Variants in OR4E2 observed in about 807,000 individuals in gnomAD.
OR4E2 encodes olfactory receptor 4E2.
OR4E2 carries 9 observed loss-of-function variants against 11.0 expected under a neutral mutation model. The observed-to-expected ratio is 0.82, with a 90% CI of 0.49 to 1.43. The LOEUF (loss-of-function observed/expected upper bound fraction) is 1.43, where lower values mean the gene tolerates loss of function less well. Among genes scored for constraint, OR4E2 ranks in the 40% most tolerant of loss-of-function variants. The pLI, the probability that OR4E2 is intolerant of heterozygous loss-of-function variation, is 0.00. For synonymous variants in OR4E2, 159 were observed against 147.3 expected, an observed-to-expected ratio of 1.08 and a Z score of -0.57; for missense variants, 441 against 382.0, an observed-to-expected ratio of 1.15 and a Z score of -1.29.
At chr14:21,657,517 T>C (rs149338117) in intron 2 of OR4E2, among the ~76,000 whole-genome samples, 26 of 120,246 alleles carry the variant, frequency 2.2e-4, no homozygotes, top group African/African-American at 7.4e-4. Flanking sequence ...CTTTCTTTGT[T>C]TTTCTTTCTT....
At position 21,665,952 on chromosome 14, in the gene OR4E2, G is replaced by C; in HGVS notation, c.870G>C (p.Arg290Ser). The C allele has an allele frequency of 6.2e-7, 1 of 1,614,010 alleles. No homozygotes were observed. Among genetic ancestry groups the C allele is most frequent in the Non-Finnish European group, 8.5e-7 (1 of 1,180,000 alleles). The change falls in exon 4 of 4, where the codon AGG becomes AGC. Residue 290 changes from arginine to serine, a missense_variant. Arg to Ser is a moderately radical substitution (Grantham distance 110, BLOSUM62 -1). Coordinates refer to ENST00000641524, the MANE Select transcript of OR4E2 (RefSeq NM_001001912.3). The stretch of plus-strand genomic sequence containing the variant: ...TGAATCCCTTCATTTACACCTTGAG[G>C]AATGAGGAGGTAAAAAGTGCCATGA... Reference protein sequence around the residue: ...PLLNPFIYTLRNEEVKSAMKQ... With the variant: ...PLLNPFIYTLSNEEVKSAMKQ...
chr14:21,661,444 G>C (rs1880320029), intron 3 of OR4E2, among the ~76,000 whole-genome samples: 1 of 151,926 alleles, frequency 6.6e-6, no homozygotes, highest in Non-Finnish European at 1.5e-5. Context: ...TTTCCTTCAA[G>C]GTTCGTAATA....
chr14:21,654,111 A>C (rs948706306), intron 1 of OR4E2, among the ~76,000 whole-genome samples, 172 bp downstream of exon 1: 3 of 152,100 alleles, frequency 2.0e-5, no homozygotes, highest in Non-Finnish European at 4.4e-5. Context: ...TATGATGCTG[A>C]GTTTTGCTAT....
Position 21,666,045 on chromosome 14 carries a change from A to G in OR4E2, c.*21A>G. 1 of 1,535,382 alleles carries G rather than the reference A, an allele frequency of 6.5e-7. No individual in the cohort carries two copies. On this transcript the variant is annotated 3_prime_UTR_variant, in exon 4 of 4. Transcript: ENST00000641524. ...CATAATGGGCACTGGGATTGCAGAC[A>G]TAATTGCAGCCACATCCTTAATGAA... is the stretch of plus-strand genomic sequence containing the variant.
rs1448745332 is a variant in OR4E2, at chr14:21,667,303, G to A, written c.*1279G>A. ...ATAGAAATAATACTTGAGTATTCTG[G>A]AGAACTGGAGAGCAGACAACATAGC... On this transcript the variant is annotated 3_prime_UTR_variant, in exon 4 of 4. Transcript: ENST00000641524. 6.6e-6 allele frequency: 1 copy of A among 151,944 alleles called. No homozygotes were observed. The highest frequency in any genetic ancestry group is 2.1e-4 in the South Asian group (1 of 4,808). The allele number at this position is 151,944 out of a possible 1,614,324, so 9.4% of individuals were successfully genotyped here.
At position 21,666,302 on chromosome 14, in the gene OR4E2, A is replaced by T. The variant is rs1328921868; in HGVS notation, c.*278A>T. On this transcript the variant is annotated 3_prime_UTR_variant, in exon 4 of 4. Transcript: ENST00000641524. ...TTTGATTTCATCAGTAAAAGAATAC[A>T]ATTTGGGGAACTCAGTTCAGTCTCA... The T allele has an allele frequency of 2.4e-5, 8 of 329,066 alleles. No individual in the cohort carries two copies. The East Asian group carries it at 5.7e-4, about 24-fold the overall frequency. 20.4% of individuals were successfully genotyped at this position (329,066 alleles called of 1,614,324 possible). A position where few individuals can be genotyped will look rare whatever the true frequency, so the allele number is the denominator to read the frequency against.
chr14:21,660,590 A>ACACATTGTAAGTCT (rs1880264420), intron 2 of OR4E2, 63 bp from the exon 3 acceptor site: 1 of 152,032 alleles, frequency 6.6e-6, no homozygotes, highest in African/African-American at 2.4e-5. Context: ...ACAGGGAGCC[A>ACACATTGTAAGTCT]TCGAAAGTCT....
chr14:21,663,111 GT>G (rs879906479), intron 3 of OR4E2, among the ~76,000 whole-genome samples: 7 of 152,110 alleles, frequency 4.6e-5, no homozygotes, highest in Non-Finnish European at 1.0e-4. Flanking sequence ...AGTAAAAATT[GT>G]TTTTGCATAC....
At position 21,664,036 on chromosome 14, in the gene OR4E2, T is replaced by C. The variant is rs149411824; in HGVS notation, c.-8-1039T>C. On this transcript the variant is annotated intron_variant, in intron 3 of 3. Coordinates refer to ENST00000641524, the MANE Select transcript of OR4E2 (RefSeq NM_001001912.3). ...ATTTAGGCTGATTCCATGACTTTGC[T>C]ATTGTAAACAGTGCTGCAATGAGCA... Among the ~76,000 whole-genome samples the C allele has an allele frequency of 1.2e-3, 184 of 152,374 alleles. 6 individuals carry two copies. In the East Asian group the frequency reaches 0.033, roughly 28 times the overall value.
chr14:21,664,192 T>C (rs1202932181), intron 3 of OR4E2, among the ~76,000 whole-genome samples: 1 of 152,252 alleles, frequency 6.6e-6, no homozygotes, highest in Non-Finnish European at 1.5e-5. Flanking sequence ...TCTTCCACAA[T>C]GGTTGAACTA....
At chr14:21,654,091 G>A (rs1879794544) in intron 1 of OR4E2, among the ~76,000 whole-genome samples, 152 bp downstream of exon 1, 1 of 152,126 alleles carries the variant, frequency 6.6e-6, no homozygotes, top group Non-Finnish European at 1.5e-5. Flanking sequence ...TGGGTTGATT[G>A]ATTTGATTTT....
intron 3 of OR4E2, among the ~76,000 whole-genome samples, chr14:21,662,713 T>C (rs1880400662): frequency 6.6e-6 from 1 of 152,230 alleles, no homozygotes; most frequent in African/African-American, 2.4e-5. Context: ...GTTCCTAATG[T>C]AAGCCCCATG....
Position 21,663,429 on chromosome 14 carries a change from G to A in OR4E2, c.-8-1646G>A, listed in dbSNP as rs566350905. Reference sequence around the variant, plus strand: ...TGGAAGGCGGAGCTTGCAGTGAGCCGAGACCATGCCACTGCACTCCAGCCT... The same window carrying A: ...TGGAAGGCGGAGCTTGCAGTGAGCCAAGACCATGCCACTGCACTCCAGCCT... On this transcript the variant is annotated intron_variant, in intron 3 of 3. Coordinates refer to ENST00000641524, the MANE Select transcript of OR4E2 (RefSeq NM_001001912.3). Among the ~76,000 whole-genome samples, 52 of 152,052 alleles carry A rather than the reference G, an allele frequency of 3.4e-4. 1 individual carries two copies. Among genetic ancestry groups the A allele is most frequent in the Non-Finnish European group, 6.9e-4 (47 of 67,986 alleles).
At chr14:21,662,167 G>A (rs868317789) in intron 3 of OR4E2, among the ~76,000 whole-genome samples, 4 of 151,868 alleles carry the variant, frequency 2.6e-5, no homozygotes, top group Admixed American at 6.6e-5. Context: ...TAATTGAGTC[G>A]TTTGTCTTTT....
At chr14:21,659,425 A>G (rs1485371943) in intron 2 of OR4E2, among the ~76,000 whole-genome samples, 1 of 152,182 alleles carries the variant, frequency 6.6e-6, no homozygotes, top group Non-Finnish European at 1.5e-5. Context: ...AGAAAAATGA[A>G]TGAGATATTT....
intron 2 of OR4E2, among the ~76,000 whole-genome samples, chr14:21,659,112 T>C (rs1250607987): frequency 6.6e-6 from 1 of 152,098 alleles, no homozygotes; most frequent in Non-Finnish European, 1.5e-5. Flanking sequence ...CATAGCTCAC[T>C]GCAGCCTCAA....
chr14:21,666,009 G>A lies in OR4E2; in HGVS notation c.927G>A (p.Thr309=), dbSNP rs975852343. The A allele has an allele frequency of 1.6e-5, 25 of 1,612,400 alleles. No individual in the cohort carries two copies. The highest frequency in any genetic ancestry group is 1.7e-4 in the Middle Eastern group (1 of 6,054). ...KQLRQRQVFF[T]KSYT is the part of the protein sequence containing the mutation. ...TCAGGCAGAGACAAGTTTTTTTCAC[G>A]AAATCATATACATAATGGGCACTGG... Residue 309 remains threonine, a synonymous_variant, in exon 4 of 4, where the codon ACG becomes ACA. Coordinates refer to ENST00000641524, the MANE Select transcript of OR4E2 (RefSeq NM_001001912.3).
intron 3 of OR4E2, among the ~76,000 whole-genome samples, 154 bp from the exon 4 acceptor site, chr14:21,664,921 G>C (rs1348506510): frequency 6.6e-6 from 1 of 152,192 alleles, no homozygotes; most frequent in Non-Finnish European, 1.5e-5. Flanking sequence ...CTGGTAAGTA[G>C]TGGGTATACT....
At position 21,665,766 on chromosome 14, in the gene OR4E2, C is replaced by T. The variant is rs372140744; in HGVS notation, c.684C>T (p.His228=). ...TCATCCTGGTTTCTCTTCGAAAACA[C>T]TCAGCTGAAGGGCGCCGGAAAGCCC... is the stretch of plus-strand genomic sequence containing the variant. ...YMVILVSLRK[H]SAEGRRKALS... The change falls in exon 4 of 4, where the codon CAC becomes CAT. Residue 228 remains histidine (H), a synonymous_variant. Transcript: ENST00000641524. 6.9e-5 allele frequency: 112 copies of T among 1,614,122 alleles called. No homozygotes were observed. The African/African-American group carries it at 1.2e-3, about 17-fold the overall frequency.
Sources: allele counts gnomAD v4.1 joint callset (sites outside exome capture counted in the v4.1 genomes callset), GRCh38; gene constraint gnomAD v4.1.1; transcripts MANE v1.5; gene names NCBI Gene and HGNC (gene_info 2026-07-23, HGNC 2026-07-21).